GPC3: variants seen among roughly 807,000 people sequenced by gnomAD.
GPC3 encodes glypican-3.
GPC3 carries 3 observed loss-of-function variants against 34.4 expected under a neutral mutation model. The ratio of observed to expected loss-of-function variants is 0.09; its 90% CI spans 0.04 to 0.23. GPC3 has a LOEUF of 0.23. Among genes scored for constraint, GPC3 ranks in the 10% least tolerant of loss-of-function variants. GPC3 has a pLI of 1.00. For synonymous variants in GPC3, 177 were observed against 174.0 expected (o/e 1.02, Z -0.13); for missense variants, 351 against 445.6 (o/e 0.79, Z 1.91).
At chrX:133,731,802 G>A (rs1041996890) in intron 3 of GPC3, among the ~76,000 whole-genome samples, 1 of 112,560 alleles carries the variant, frequency 8.9e-6, no homozygotes, top group African/African-American at 3.2e-5. Context: ...CCCTGTCTAC[G>A]TTAAGCCTTC....
chrX:133,845,064 G>A (rs966802983), intron 2 of GPC3, among the ~76,000 whole-genome samples: 2 of 111,658 alleles, frequency 1.8e-5, no homozygotes, highest in Non-Finnish European at 3.8e-5. Flanking sequence ...GTCCTCCTTG[G>A]TGGGAGTAGG....
At chrX:133,811,656 A>G (rs145956414) in intron 2 of GPC3, among the ~76,000 whole-genome samples, 35 of 111,782 alleles carry the variant, frequency 3.1e-4, no homozygotes, top group African/African-American at 1.1e-3. Context: ...GTCATCAAAC[A>G]TCATTTGCAC....
chrX:133,632,498 T>C (rs903455425), intron 6 of GPC3, among the ~76,000 whole-genome samples: 1 of 111,791 alleles, frequency 8.9e-6, no homozygotes, highest in Admixed American at 9.6e-5. Flanking sequence ...TTTACTTATA[T>C]ATAATTTCTA....
intron 2 of GPC3, among the ~76,000 whole-genome samples, chrX:133,848,444 C>T (rs1465630505): frequency 2.7e-5 from 3 of 112,151 alleles, no homozygotes; most frequent in Non-Finnish European, 5.6e-5. Context: ...AGGAGATACA[C>T]AATCTTCACA....
chrX:133,985,483 A>T lies in GPC3; in HGVS notation c.-34T>A, dbSNP rs1452296106. On this transcript the variant is annotated 5_prime_UTR_variant, in exon 1 of 8. Transcript: ENST00000370818. ...GCAGGGAGCTAGGAGAGCGCGGGAG[A>T]GTGGCAGCCGGAGCGAGAGCAGTCC... 8.7e-7 allele frequency: 1 copy of T among 1,151,364 alleles called. No individual in the cohort carries two copies. The highest frequency in any genetic ancestry group is 1.2e-6 in the Non-Finnish European group (1 of 860,363). 94.9% of individuals were successfully genotyped at this position (1,151,364 alleles called of 1,213,427 possible). A position where few individuals can be genotyped will look rare whatever the true frequency, so the allele number is the denominator to read the frequency against.
intron 2 of GPC3, among the ~76,000 whole-genome samples, chrX:133,802,914 C>CTTTTT (rs751359373): frequency 1.5e-5 from 1 of 68,553 alleles, no homozygotes; most frequent in African/African-American, 5.7e-5. Context: ...GGAAGGTATT[C>CTTTTT]TTTTTTTTTT....
intron 4 of GPC3, among the ~76,000 whole-genome samples, 160 bp downstream of exon 4, chrX:133,699,735 C>A (rs1569416488): frequency 8.9e-6 from 1 of 112,024 alleles, no homozygotes; most frequent in African/African-American, 3.2e-5. Context: ...ATAATACCAT[C>A]TTTTTTTAAA....
intron 2 of GPC3, among the ~76,000 whole-genome samples, chrX:133,799,079 G>C (rs2075596189): frequency 8.9e-6 from 1 of 112,099 alleles, no homozygotes; most frequent in Non-Finnish European, 1.9e-5. Context: ...AGGGCTTTGT[G>C]TGACTGCACA....
intron 2 of GPC3, among the ~76,000 whole-genome samples, chrX:133,939,327 G>A (rs2076335134): frequency 8.9e-6 from 1 of 112,333 alleles, no homozygotes. Flanking sequence ...AAACTGCAGT[G>A]TATATAAATC....
chrX:133,728,320 G>A (rs1339679091), intron 3 of GPC3, among the ~76,000 whole-genome samples: 2 of 99,794 alleles, frequency 2.0e-5, no homozygotes, highest in Non-Finnish European at 4.0e-5. Context: ...TCTTACCAGT[G>A]CATTTTTCTT....
At chrX:133,741,729 C>G (rs751434799) in intron 3 of GPC3, among the ~76,000 whole-genome samples, 31 of 112,717 alleles carry the variant, frequency 2.8e-4, no homozygotes, top group Non-Finnish European at 5.2e-4. Context: ...ATGAGCTGAT[C>G]CATGTAAAGA....
chrX:133,648,283 T>G (rs2070564232), intron 6 of GPC3, among the ~76,000 whole-genome samples: 1 of 108,891 alleles, frequency 9.2e-6, no homozygotes, highest in African/African-American at 3.3e-5. Flanking sequence ...TTTTTGGCAA[T>G]TTTTATTTGT....
intron 2 of GPC3, among the ~76,000 whole-genome samples, chrX:133,819,482 A>G (rs1220871268): frequency 1.8e-5 from 2 of 110,838 alleles, no homozygotes; most frequent in Admixed American, 1.9e-4. Context: ...GAATCTTGGC[A>G]GGGCTTTGTG....
At chrX:133,693,715 G>A (rs987593682) in intron 4 of GPC3, among the ~76,000 whole-genome samples, 3 of 111,776 alleles carry the variant, frequency 2.7e-5, no homozygotes, top group African/African-American at 9.8e-5. Context: ...AAATGAGGAA[G>A]ACTGGTGAAA....
chrX:133,653,131 C>T (rs1231871947), intron 6 of GPC3, among the ~76,000 whole-genome samples: 1 of 112,067 alleles, frequency 8.9e-6, no homozygotes, highest in Non-Finnish European at 1.9e-5. Flanking sequence ...TACGAAATGG[C>T]TCACGTGGGA....
At chrX:133,839,465 T>G (rs948433599) in intron 2 of GPC3, among the ~76,000 whole-genome samples, 3 of 111,583 alleles carry the variant, frequency 2.7e-5, no homozygotes, top group Non-Finnish European at 5.6e-5. Flanking sequence ...TATACACAAT[T>G]TTTTTGGTCA....
chrX:133,645,022 C>T (rs2070526912), intron 6 of GPC3, among the ~76,000 whole-genome samples: 1 of 111,712 alleles, frequency 9.0e-6, no homozygotes, highest in Non-Finnish European at 1.9e-5. Context: ...CTCAAGTGAT[C>T]CACCCGCCTT....
chrX:133,858,761 A>G (rs1169789873), intron 2 of GPC3, among the ~76,000 whole-genome samples: 2 of 111,865 alleles, frequency 1.8e-5, no homozygotes, highest in Non-Finnish European at 3.8e-5. Flanking sequence ...TCCATGTAAC[A>G]TTTTGTCCTA....
intron 2 of GPC3, among the ~76,000 whole-genome samples, chrX:133,807,929 G>A (rs1355407717): frequency 8.9e-6 from 1 of 112,206 alleles, no homozygotes; most frequent in Non-Finnish European, 1.9e-5. Flanking sequence ...CTAGAAATCT[G>A]TGTTTTACCA....
Sources: allele counts gnomAD v4.1 joint callset (sites outside exome capture counted in the v4.1 genomes callset), GRCh38; gene constraint gnomAD v4.1.1; transcripts MANE v1.5; gene names NCBI Gene and HGNC (gene_info 2026-07-23, HGNC 2026-07-21).